The following DNAH9 variants were observed in gnomAD, a reference collection of about 807,000 sequenced individuals.
DNAH9 encodes the protein DNAH9 variant protein.
A neutral mutation model predicts 471.6 loss-of-function variants in DNAH9; 345 were observed. That is an observed-to-expected ratio of 0.73 (90% CI 0.67 to 0.80). The LOEUF (loss-of-function observed/expected upper bound fraction) is 0.80, where lower values mean the gene tolerates loss of function less well. Among genes scored for constraint, DNAH9 ranks in the 30% least tolerant of loss-of-function variants. The probability of loss-of-function intolerance (pLI) is 0.00; values close to 1 mark genes in which losing one functional copy is unlikely to be tolerated. For synonymous variants in DNAH9, 2,093 were observed against 2,123.6 expected, an observed-to-expected ratio of 0.99 and a Z score of 0.40; for missense variants, 5,407 against 5,609.2, an observed-to-expected ratio of 0.96 and a Z score of 1.15.
In DNAH9 at chr17:11,783,724, C is replaced by G. The variant is rs770880010; in HGVS notation, c.7797C>G (p.Ser2599Arg). ...CCTGTATGAACCCCACGGCAGGCAG[C>G]TTCACCATCAACCCCCGGCTTCAGG... ...YVSCMNPTAG[S>R]FTINPRLQRH... Residue 2599 changes from serine to arginine, a missense_variant, in exon 40 of 69, where the codon AGC becomes AGG. Physicochemically the swap from Ser to Arg is moderately radical, Grantham distance 110. Coordinates refer to ENST00000262442, the MANE Select transcript of DNAH9 (RefSeq NM_001372.4). 3 of 1,614,118 alleles carry G rather than the reference C, an allele frequency of 1.9e-6. No individual in the cohort carries two copies. In the Admixed American group the frequency reaches 5.0e-5, roughly 27 times the overall value.
intron 67 of DNAH9, among the ~76,000 whole-genome samples, chr17:11,952,309 C>CTT (rs753276964): frequency 0.095 from 6,751 of 71,008 alleles, 1,461 homozygotes; most frequent in Non-Finnish European, 0.14. Flanking sequence ...CCAGCTAATT[C>CTT]TTTTTTTTTT....
At chr17:11,762,784 T>TTTTTTTTTTTTTTTTTTTTTTTTTTTG (rs1967758365) in intron 35 of DNAH9, among the ~76,000 whole-genome samples, 1 of 135,182 alleles carries the variant, frequency 7.4e-6, no homozygotes. Flanking sequence ...TTTTTTTTTT[T>TTTTTTTTTTTTTTTTTTTTTTTTTTTG]TTTTTTTTTT....
chr17:11,934,012 C>T lies in DNAH9; in HGVS notation c.12430C>T (p.Leu4144=), dbSNP rs1177136511. 1.9e-6 allele frequency: 3 copies of T among 1,614,090 alleles called. No homozygotes were observed. The highest frequency in any genetic ancestry group is 1.6e-4 in the Middle Eastern group (1 of 6,084). ...FIRPEMLEGE[L]SLAPGFPLPG... ...TCGACCAGAAATGTTAGAAGGAGAACTGTCTTTGGCCCCAGGGTTCCCACT... is the reference window on the plus strand; with the variant it reads ...TCGACCAGAAATGTTAGAAGGAGAATTGTCTTTGGCCCCAGGGTTCCCACT... Residue 4144 remains leucine, a synonymous_variant, in exon 65 of 69, where the codon CTG becomes TTG. Coordinates refer to ENST00000262442, the MANE Select transcript of DNAH9 (RefSeq NM_001372.4).
rs1169414747 is a variant in DNAH9, at chr17:11,869,506, T to C, written c.10053+253T>C. Among the ~76,000 whole-genome samples the C allele has an allele frequency of 6.6e-5, 10 of 152,214 alleles. No homozygotes were observed. In the East Asian group the frequency reaches 1.3e-3, roughly 21 times the overall value. ...GATCTATCAGGCAGCTCATGCAAAATGGTAACACACTTATATTCATGTGTA... is the reference window on the plus strand; with the variant it reads ...GATCTATCAGGCAGCTCATGCAAAACGGTAACACACTTATATTCATGTGTA... On this transcript the variant is annotated intron_variant, in intron 51 of 68. Transcript: ENST00000262442.
chr17:11,930,967 G>A (rs140677775), intron 63 of DNAH9, among the ~76,000 whole-genome samples: 5 of 152,314 alleles, frequency 3.3e-5, no homozygotes, highest in African/African-American at 1.2e-4. Context: ...CAAGGCTTAT[G>A]TTGTAGCGTA....
chr17:11,772,589 A>C lies in DNAH9; in HGVS notation c.7552+3260A>C, dbSNP rs118181043. The stretch of plus-strand genomic sequence containing the variant: ...GCGATTCTCCTGCCTCAGCCTCCCC[A>C]GTAGTGACTACAAAAAAATCTCAAA... On this transcript the variant is annotated intron_variant, in intron 38 of 68. Coordinates refer to ENST00000262442, the MANE Select transcript of DNAH9 (RefSeq NM_001372.4). 8.5e-5 allele frequency among the ~76,000 whole-genome samples: 13 copies of C among 152,330 alleles called. No homozygotes were observed. In the East Asian group the frequency reaches 2.5e-3, roughly 29 times the overall value.
chr17:11,963,295 A>G (rs1976393529), intron 68 of DNAH9, among the ~76,000 whole-genome samples: 1 of 152,076 alleles, frequency 6.6e-6, no homozygotes, highest in African/African-American at 2.4e-5. Context: ...TTAGCCGGGC[A>G]TGGTGGTGCA....
chr17:11,908,721 C>G (rs368845041), intron 61 of DNAH9, among the ~76,000 whole-genome samples: 16 of 152,326 alleles, frequency 1.1e-4, no homozygotes, highest in East Asian at 7.7e-4. Flanking sequence ...GTTAATGAAA[C>G]AGTCCAAGGG....
At chr17:11,609,832 G>A (rs542612535) in intron 2 of DNAH9, among the ~76,000 whole-genome samples, 1 of 152,206 alleles carries the variant, frequency 6.6e-6, no homozygotes, top group African/African-American at 2.4e-5. Flanking sequence ...TGATCTTCAG[G>A]TGGCTGATTA....
rs1483316003 is a variant in DNAH9 at position 11,834,492 on chromosome 17, C to A, written c.9247-146C>A. The A allele has an allele frequency of 3.1e-6, 3 of 972,156 alleles. No individual in the cohort carries two copies. The Admixed American group carries it at 7.9e-5, about 26-fold the overall frequency. 60.2% of individuals were successfully genotyped at this position (972,156 alleles called of 1,614,324 possible). ...AGCCTGGTCCCATCTGACAGCGCAG[C>A]TTTGTACCTTTGTATCAGGAGCTGT... On this transcript the variant is annotated intron_variant, in intron 48 of 68. Transcript: ENST00000262442.
At chr17:11,767,493 C>T (rs934077521) in intron 36 of DNAH9, among the ~76,000 whole-genome samples, 11 of 151,946 alleles carry the variant, frequency 7.2e-5, no homozygotes, top group Admixed American at 1.3e-4. Flanking sequence ...GCCCTTTTTT[C>T]GGGTTTCATA....
At chr17:11,693,549 G>T (rs1317663057) in intron 20 of DNAH9, among the ~76,000 whole-genome samples, 2 of 152,060 alleles carry the variant, frequency 1.3e-5, no homozygotes, top group African/African-American at 2.4e-5. Context: ...GTGAGCCACG[G>T]CGCCCGGTCT....
chr17:11,610,845 CT>C (rs1349502875), intron 3 of DNAH9, among the ~76,000 whole-genome samples: 1 of 152,168 alleles, frequency 6.6e-6, no homozygotes, highest in African/African-American at 2.4e-5. Context: ...AATTAATCAA[CT>C]CTTTAACATT....
intron 59 of DNAH9, among the ~76,000 whole-genome samples, chr17:11,897,713 C>G (rs546521628): frequency 6.6e-6 from 1 of 152,142 alleles, no homozygotes; most frequent in Non-Finnish European, 1.5e-5. Context: ...TTCCTCTGAG[C>G]CTTGGTTTCC....
At chr17:11,608,527 A>G (rs918872316) in intron 2 of DNAH9, among the ~76,000 whole-genome samples, 2 of 152,218 alleles carry the variant, frequency 1.3e-5, no homozygotes, top group African/African-American at 4.8e-5. Flanking sequence ...CAGCCACTGC[A>G]TGAAGTCTTC....
chr17:11,723,727 G>A (rs1367733780), intron 27 of DNAH9, among the ~76,000 whole-genome samples: 1 of 151,950 alleles, frequency 6.6e-6, no homozygotes, highest in African/African-American at 2.4e-5. Flanking sequence ...GAGTGCAGTG[G>A]CACGATCTCA....
rs200530118 is a variant in DNAH9 at position 11,822,010 on chromosome 17, A to G, written c.8798A>G (p.Asn2933Ser). The change falls in exon 46 of 69, where the codon AAC (asparagine) becomes AGC (serine). Residue 2933 changes from asparagine (N) to serine (S), a missense_variant. Physicochemically the swap from Asn to Ser is conservative, Grantham distance 46. Coordinates refer to ENST00000262442, the MANE Select transcript of DNAH9 (RefSeq NM_001372.4). Reference sequence around the variant, plus strand: ...GTCAAGAGCCAGGGTCTGGTTGACAACAGAGAGAACTGTTGGAAGTTCTTT... The same window carrying G: ...GTCAAGAGCCAGGGTCTGGTTGACAGCAGAGAGAACTGTTGGAAGTTCTTT... ...NEVKSQGLVD[N>S]RENCWKFFID... 3.0e-5 allele frequency: 48 copies of G among 1,614,166 alleles called. No individual in the cohort carries two copies. Among genetic ancestry groups the G allele is most frequent in the Admixed American group, 6.7e-5 (4 of 60,022 alleles).
At chr17:11,912,268 C>T (rs533139089) in intron 61 of DNAH9, among the ~76,000 whole-genome samples, 16 of 152,242 alleles carry the variant, frequency 1.1e-4, no homozygotes, top group East Asian at 5.8e-4. Context: ...CTGCCTGCCT[C>T]GACCTCCCAA....
At chr17:11,657,818 T>A (rs2073681790) in intron 14 of DNAH9, among the ~76,000 whole-genome samples, 4 of 152,016 alleles carry the variant, frequency 2.6e-5, no homozygotes, top group African/African-American at 9.7e-5. Context: ...TTTTGGCACC[T>A]TTGTTGAAAA....
Sources: gnomAD v4.1 joint callset for allele counts (sites outside exome capture counted in the v4.1 genomes callset) on GRCh38, gnomAD v4.1.1 for gene constraint, MANE v1.5 for transcripts, NCBI Gene and HGNC (gene_info 2026-07-23, HGNC 2026-07-21) for gene names.